Variants in KIAA1217 observed in about 807,000 individuals in gnomAD.
KIAA1217 encodes KIAA1217.
KIAA1217 carries 88 observed loss-of-function variants against 163.9 expected under a neutral mutation model. The observed-to-expected ratio is 0.54, with a 90% CI of 0.45 to 0.64. KIAA1217 has a LOEUF of 0.64. Among genes scored for constraint, KIAA1217 ranks in the 30% least tolerant of loss-of-function variants. The pLI, the probability that KIAA1217 is intolerant of heterozygous loss-of-function variation, is 0.00. For missense variants in KIAA1217, 2,372 were observed against 2,475.0 expected (o/e 0.96, Z 0.88); for synonymous variants, 903 against 923.1 (o/e 0.98, Z 0.39).
intron 6 of KIAA1217, among the ~76,000 whole-genome samples, chr10:24,484,137 A>ATATATATG (rs906118394): frequency 7.0e-6 from 1 of 143,754 alleles, no homozygotes; most frequent in Non-Finnish European, 1.5e-5. Flanking sequence ...ATTTATGTGT[A>ATATATATG]TATATATGTA....
intron 2 of KIAA1217, among the ~76,000 whole-genome samples, chr10:24,357,946 T>C (rs1282997864): frequency 1.3e-5 from 2 of 152,174 alleles, no homozygotes; most frequent in Non-Finnish European, 2.9e-5. Flanking sequence ...TGCTTGAGGC[T>C]GTAGGCACCA....
At chr10:23,933,269 T>C (rs1208863124) in intron 1 of KIAA1217, among the ~76,000 whole-genome samples, 2 of 152,216 alleles carry the variant, frequency 1.3e-5, no homozygotes, top group Admixed American at 1.3e-4. Flanking sequence ...ATAATATTTT[T>C]TGAAAAACTT....
chr10:23,787,179 A>T (rs1835530335), intron 1 of KIAA1217, among the ~76,000 whole-genome samples: 1 of 152,224 alleles, frequency 6.6e-6, no homozygotes, highest in South Asian at 2.1e-4. Context: ...TCATATTTCC[A>T]AATGTTCACC....
chr10:24,420,261 T>C (rs201392475), intron 3 of KIAA1217, among the ~76,000 whole-genome samples: 1 of 152,240 alleles, frequency 6.6e-6, no homozygotes, highest in East Asian at 1.9e-4. Context: ...TAAAATAGGA[T>C]GTGACATTTT....
At chr10:23,953,516 C>G (rs1009141339) in intron 1 of KIAA1217, among the ~76,000 whole-genome samples, 2 of 152,198 alleles carry the variant, frequency 1.3e-5, no homozygotes, top group African/African-American at 4.8e-5. Flanking sequence ...CTTTGCCCAA[C>G]TACCAAGATA....
chr10:24,175,878 A>G (rs903916892), intron 2 of KIAA1217, among the ~76,000 whole-genome samples: 1 of 152,168 alleles, frequency 6.6e-6, no homozygotes, highest in Non-Finnish European at 1.5e-5. Flanking sequence ...CTCAGGAGTG[A>G]AACTGCAGAC....
intron 1 of KIAA1217, among the ~76,000 whole-genome samples, chr10:23,927,148 C>A (rs1335560119): frequency 6.6e-6 from 1 of 152,044 alleles, no homozygotes; most frequent in Admixed American, 6.6e-5. Flanking sequence ...CTCAAGTGAT[C>A]CTCCCACCTC....
intron 2 of KIAA1217, among the ~76,000 whole-genome samples, chr10:24,127,866 T>C (rs1382309965): frequency 6.6e-6 from 1 of 152,214 alleles, no homozygotes; most frequent in Non-Finnish European, 1.5e-5. Flanking sequence ...AATTTTGAAA[T>C]GTTTTGCCCT....
intron 13 of KIAA1217, among the ~76,000 whole-genome samples, chr10:24,527,117 GA>G (rs1460800277): frequency 1.3e-5 from 2 of 151,884 alleles, no homozygotes; most frequent in Non-Finnish European, 2.9e-5. Flanking sequence ...CTCTGTTGTG[GA>G]ACTTAAAGGA....
chr10:24,457,727 T>G (rs894838140), intron 5 of KIAA1217, among the ~76,000 whole-genome samples: 4 of 152,152 alleles, frequency 2.6e-5, no homozygotes, highest in Non-Finnish European at 5.9e-5. Context: ...TGAAAAGTGC[T>G]CCATAGATTA....
chr10:23,782,006 C>A (rs1451662430), intron 1 of KIAA1217, among the ~76,000 whole-genome samples: 2 of 151,992 alleles, frequency 1.3e-5, no homozygotes, highest in Non-Finnish European at 2.9e-5. Context: ...AGTGCAATAC[C>A]CCAAACTTTG....
chr10:23,747,052 C>T (rs1250110529), intron 1 of KIAA1217, among the ~76,000 whole-genome samples: 2 of 152,118 alleles, frequency 1.3e-5, no homozygotes, highest in Non-Finnish European at 2.9e-5. Flanking sequence ...AGGCTTGAAA[C>T]CATCAGGAAG....
At chr10:23,818,302 ATTATATATATATAACACTATATATATATT>A (rs1837446228) in intron 1 of KIAA1217, among the ~76,000 whole-genome samples, 2 of 140,866 alleles carry the variant, frequency 1.4e-5, no homozygotes, top group African/African-American at 5.3e-5. Context: ...TTATATATAA[ATTATATATATATAACACTATATATATATT>A]TTATATATAT....
chr10:24,473,059 A>G (rs1233661439), intron 5 of KIAA1217, among the ~76,000 whole-genome samples, 169 bp from the exon 6 acceptor site: 2 of 152,196 alleles, frequency 1.3e-5, no homozygotes, highest in Admixed American at 6.5e-5. Flanking sequence ...CACCATCCTC[A>G]ACTTCACCCC....
At chr10:24,308,838 G>T (rs1328728673) in intron 2 of KIAA1217, among the ~76,000 whole-genome samples, 1 of 152,054 alleles carries the variant, frequency 6.6e-6, no homozygotes, top group Non-Finnish European at 1.5e-5. Context: ...GAATGGCATT[G>T]GTGGCTGGGC....
At position 23,818,907 on chromosome 10, in the gene KIAA1217, A is replaced by G. The variant is rs79144356; in HGVS notation, c.-321+123673A>G. Among the ~76,000 whole-genome samples, 1,075 of 152,310 alleles carry G rather than the reference A, an allele frequency of 7.1e-3. 19 individuals carry two copies. Among genetic ancestry groups the G allele is most frequent in the African/African-American group, 0.025 (1,031 of 41,574 alleles). On this transcript the variant is annotated intron_variant, in intron 1 of 18. Coordinates refer to the KIAA1217 transcript ENST00000376462. ...TTATTTTGCAGCTCTTAGTCTCAAC[A>G]AAACAAAGATGTGAGCTCATAATGA...
chr10:24,099,349 G>A (rs987980309), intron 2 of KIAA1217, among the ~76,000 whole-genome samples: 3 of 148,956 alleles, frequency 2.0e-5, no homozygotes, highest in East Asian at 2.0e-4. Flanking sequence ...CCTACCCCAC[G>A]GCAGGTCCCA....
chr10:24,241,520 T>C (rs895361317), intron 2 of KIAA1217, among the ~76,000 whole-genome samples: 2 of 152,210 alleles, frequency 1.3e-5, no homozygotes, highest in African/African-American at 4.8e-5. Flanking sequence ...GAAATTTTTC[T>C]TGGCCATACA....
intron 1 of KIAA1217, among the ~76,000 whole-genome samples, chr10:23,828,734 T>G (rs1838026623): frequency 1.3e-5 from 2 of 152,198 alleles, no homozygotes; most frequent in African/African-American, 4.8e-5. Flanking sequence ...TTACATCTGT[T>G]TCTACAGATT....
Sources: allele counts gnomAD v4.1 joint callset (sites outside exome capture counted in the v4.1 genomes callset), GRCh38; gene constraint gnomAD v4.1.1; transcripts MANE v1.5; gene names NCBI Gene and HGNC (gene_info 2026-07-23, HGNC 2026-07-21).